Variants in MINK1 observed in about 807,000 individuals in gnomAD.
MINK1 encodes the protein misshapen-like kinase 1.
In MINK1, 46 loss-of-function variants were observed where a neutral mutation model predicts 178.4. That is an observed-to-expected ratio of 0.26 (90% CI 0.20 to 0.33). MINK1 has a LOEUF of 0.33. Among genes scored for constraint, MINK1 ranks in the 10% least tolerant of loss-of-function variants. MINK1 has a pLI of 1.00. For synonymous variants in MINK1, 797 were observed against 709.7 expected (o/e 1.12, Z -1.96); for missense variants, 1,366 against 1,814.9 (o/e 0.75, Z 4.49).
At chr17:4,838,509 T>C (rs867912820) in intron 1 of MINK1, among the ~76,000 whole-genome samples, 7 of 152,176 alleles carry the variant, frequency 4.6e-5, no homozygotes, top group African/African-American at 9.7e-5. Flanking sequence ...CATTGAACTG[T>C]GTGCCTAAGA....
At chr17:4,844,341 A>C (rs556387542) in intron 1 of MINK1, among the ~76,000 whole-genome samples, 1 of 152,268 alleles carries the variant, frequency 6.6e-6, no homozygotes, top group East Asian at 1.9e-4. Flanking sequence ...TCTGTGACTT[A>C]TGGTAAACAG....
chr17:4,895,606 C>A lies in MINK1; in HGVS notation c.3230-92C>A. On this transcript the variant is annotated intron_variant, in intron 26 of 31. Coordinates refer to ENST00000355280, the MANE Select transcript of MINK1 (RefSeq NM_153827.5). This position sits in a 1 kb window ranked among gnomAD's most constrained non-coding sequence, Gnocchi z 4.3. ...GAAGGTGGGGCCACACTTTCTCACCCCTTGTGGTATGCTGACAGAGGAGGC... is the reference window on the plus strand; with the variant it reads ...GAAGGTGGGGCCACACTTTCTCACCACTTGTGGTATGCTGACAGAGGAGGC... 6.4e-7 allele frequency: 1 copy of A among 1,559,578 alleles called. No homozygotes were observed. Among genetic ancestry groups the A allele is most frequent in the Non-Finnish European group, 8.7e-7 (1 of 1,149,632 alleles).
At chr17:4,878,469 G>C in intron 2 of MINK1, 87 bp downstream of exon 2, 3 of 1,215,284 alleles carry the variant, frequency 2.5e-6, no homozygotes, top group Non-Finnish European at 2.3e-6. Context: ...TGGTCTGCAG[G>C]TCTGAAGGGG....
chr17:4,895,346 G>A lies in MINK1; in HGVS notation c.3086-4G>A, dbSNP rs1197169294. 3.1e-6 allele frequency: 5 copies of A among 1,602,930 alleles called. No individual in the cohort carries two copies. On this transcript the variant is annotated splice_polypyrimidine_tract_variant and splice_region_variant and intron_variant, in intron 25 of 31. Coordinates refer to ENST00000355280, the MANE Select transcript of MINK1 (RefSeq NM_153827.5). The surrounding 1 kb of genome is among the most constrained non-coding windows in gnomAD (Gnocchi z 4.3). ...TCTGACCTGCCCAAGGGCTCCTGTT[G>A]CAGGGGTCAACCTGCTGGTGGGCAC...
intron 1 of MINK1, among the ~76,000 whole-genome samples, chr17:4,856,018 A>G (rs1913069473): frequency 6.6e-6 from 1 of 151,386 alleles, no homozygotes; most frequent in South Asian, 2.1e-4. Context: ...TATCATGGAC[A>G]GTAGGAAATT....
rs1969528576 is a variant in MINK1, at chr17:4,896,653, C to G, written c.3776-21C>G. 6.2e-6 allele frequency: 10 copies of G among 1,605,346 alleles called. No homozygotes were observed. The highest frequency in any genetic ancestry group is 8.5e-6 in the Non-Finnish European group (10 of 1,174,880). On this transcript the variant is annotated intron_variant, in intron 30 of 31. Transcript: ENST00000355280. The surrounding 1 kb of genome is among the most constrained non-coding windows in gnomAD (Gnocchi z 4.6). ...TGGCCCCGGGGTGCAGCCTGCTCAG[C>G]CCCTCACCTGTTCCCCACAGCCTAC... is the stretch of plus-strand genomic sequence containing the variant.
intron 1 of MINK1, among the ~76,000 whole-genome samples, chr17:4,875,811 G>A (rs201681545): frequency 2.7e-5 from 4 of 149,738 alleles, no homozygotes; most frequent in African/African-American, 4.9e-5. Context: ...TTTTCCCCCC[G>A]CCGAGACAGA....
intron 1 of MINK1, among the ~76,000 whole-genome samples, chr17:4,850,294 A>G (rs1911731149): frequency 6.6e-6 from 1 of 152,190 alleles, no homozygotes; most frequent in Non-Finnish European, 1.5e-5. Context: ...AAGGTTTCTT[A>G]GGATAAACAG....
chr17:4,849,804 C>T (rs1911645524), intron 1 of MINK1, among the ~76,000 whole-genome samples: 1 of 152,242 alleles, frequency 6.6e-6, no homozygotes, highest in Middle Eastern at 3.4e-3. Context: ...AACTCCCGGC[C>T]TCAGGTGGTC....
intron 1 of MINK1, among the ~76,000 whole-genome samples, chr17:4,870,884 C>T (rs975908058): frequency 1.3e-5 from 2 of 152,160 alleles, no homozygotes; most frequent in East Asian, 3.8e-4. Context: ...GGTATACTCA[C>T]AGACTTATGC....
rs781661455 is a variant in MINK1, at chr17:4,895,190, C to T, written c.3033C>T (p.Ile1011=). The T allele has an allele frequency of 6.2e-7, 1 of 1,614,096 alleles. No homozygotes were observed. The highest frequency in any genetic ancestry group is 8.5e-7 in the Non-Finnish European group (1 of 1,180,012). ...GGGCCCACAGTGAGACCCCTGAGAT[C>T]CGGAAGTACAAGAAGCGATTCAACT... The part of the protein sequence containing the change: ...NTRAHSETPE[I]RKYKKRFNSE... Residue 1011 remains isoleucine (I), a synonymous_variant, in exon 25 of 32, where the codon ATC becomes ATT. Transcript: ENST00000355280. The surrounding 1 kb of genome is among the most constrained non-coding windows in gnomAD (Gnocchi z 4.3).
Position 4,885,102 on chromosome 17 carries a change from C to A in MINK1, c.508+100C>A. 1 of 1,104,628 alleles carries A rather than the reference C, an allele frequency of 9.1e-7. No individual in the cohort carries two copies. The highest frequency in any genetic ancestry group is 1.3e-6 in the Non-Finnish European group (1 of 749,322). 68.4% of individuals were successfully genotyped at this position (1,104,628 alleles called of 1,614,324 possible). ...CTGGTGGCTCAGGCCCAACTCCCTT[C>A]CTACTGGGGAGGCTCACTCCCTCCC... On this transcript the variant is annotated intron_variant, in intron 6 of 31. Coordinates refer to ENST00000355280, the MANE Select transcript of MINK1 (RefSeq NM_153827.5). The surrounding 1 kb of genome is among the most constrained non-coding windows in gnomAD (Gnocchi z 5.0).
At chr17:4,845,711 A>G (rs912589809) in intron 1 of MINK1, among the ~76,000 whole-genome samples, 18 of 151,846 alleles carry the variant, frequency 1.2e-4, no homozygotes, top group Non-Finnish European at 2.5e-4. Context: ...TCTTGGCTCA[A>G]CTGCAGCCTC....
chr17:4,862,045 T>A (rs1160992898), intron 1 of MINK1, among the ~76,000 whole-genome samples: 1 of 152,178 alleles, frequency 6.6e-6, no homozygotes. Context: ...TATACCCAAG[T>A]ACCACCTAGA....
In MINK1 at chr17:4,896,543, A is replaced by C. The variant is rs1969504060; in HGVS notation, c.3730A>C (p.Ile1244Leu). The change falls in exon 30 of 32, where the codon ATT becomes CTT. Residue 1244 changes from isoleucine (I) to leucine (L), a missense_variant. Physicochemically the swap from Ile to Leu is conservative, Grantham distance 5. This residue lies in a region of MINK1 where 201 missense variants were observed against 240.7 expected (regional missense o/e 0.84). Coordinates refer to ENST00000355280, the MANE Select transcript of MINK1 (RefSeq NM_153827.5). The surrounding 1 kb of genome is among the most constrained non-coding windows in gnomAD (Gnocchi z 4.6). ...GVYVNTYGRI[I>L]KDVVLQWGEM... ...CTACGTCAACACGTACGGGCGCATC[A>C]TTAAGGATGTGGTGCTGCAGTGGGG... 6.2e-7 allele frequency: 1 copy of C among 1,613,962 alleles called. No individual in the cohort carries two copies. The highest frequency in any genetic ancestry group is 8.5e-7 in the Non-Finnish European group (1 of 1,179,856).
chr17:4,892,905 CT>C, intron 19 of MINK1, 73 bp from the exon 20 acceptor site: 1 of 1,438,092 alleles, frequency 7.0e-7, no homozygotes, highest in Non-Finnish European at 9.5e-7. Flanking sequence ...GGGCTGAGTT[CT>C]GGGGCTCAGG....
intron 1 of MINK1, among the ~76,000 whole-genome samples, chr17:4,858,022 A>G (rs1913481148): frequency 1.3e-5 from 2 of 152,136 alleles, no homozygotes; most frequent in Admixed American, 1.3e-4. Context: ...GCTTCAGAAT[A>G]TCTCCTACAG....
chr17:4,894,119 T>C lies in MINK1; in HGVS notation c.2670+26T>C. ...GTGAGTGAGCCTCTGCTCCCTCCCC[T>C]GTACCTGTGTGTGCCCTCCTCAGCC... On this transcript the variant is annotated intron_variant, in intron 22 of 31. Coordinates refer to ENST00000355280, the MANE Select transcript of MINK1 (RefSeq NM_153827.5). The surrounding 1 kb of genome is among the most constrained non-coding windows in gnomAD (Gnocchi z 4.1). The C allele has an allele frequency of 6.2e-7, 1 of 1,606,562 alleles. No individual in the cohort carries two copies. Among genetic ancestry groups the C allele is most frequent in the Non-Finnish European group, 8.5e-7 (1 of 1,175,292 alleles).
intron 15 of MINK1, 93 bp from the exon 16 acceptor site, chr17:4,891,363 G>A (rs1171006101): frequency 6.9e-7 from 1 of 1,448,078 alleles, no homozygotes; most frequent in Non-Finnish European, 9.2e-7. Flanking sequence ...GGAGGAAGGG[G>A]CAGCTAAAGT....
Sources: allele counts gnomAD v4.1 joint callset (sites outside exome capture counted in the v4.1 genomes callset), GRCh38; gene constraint gnomAD v4.1.1; regional missense constraint gnomAD v4.1.1; non-coding constraint Gnocchi (gnomAD v3.1); transcripts MANE v1.5; gene names NCBI Gene and HGNC (gene_info 2026-07-23, HGNC 2026-07-21).